SMG9: variants seen among roughly 807,000 people sequenced by gnomAD.
The protein encoded by SMG9 is nonsense-mediated mRNA decay factor SMG9.
A neutral mutation model predicts 64.0 loss-of-function variants in SMG9; 55 were observed. The observed-to-expected ratio is 0.86, with a 90% CI of 0.69 to 1.08. SMG9 has a LOEUF of 1.08. Among genes scored for constraint, SMG9 ranks in the 50% least tolerant of loss-of-function variants. The pLI is 0.00. For synonymous variants in SMG9, 244 were observed against 254.8 expected (o/e 0.96, Z 0.41); for missense variants, 554 against 681.3 (o/e 0.81, Z 2.08).
chr19:43,734,217 A>C, intron 10 of SMG9, 172 bp downstream of exon 10: 1 of 604,648 alleles, frequency 1.7e-6, no homozygotes, highest in Non-Finnish European at 2.9e-6. Flanking sequence ...GGGCAGTGGG[A>C]ACTTGGAAGG....
intron 7 of SMG9, among the ~76,000 whole-genome samples, chr19:43,739,102 G>A (rs1311790698): frequency 6.6e-6 from 1 of 152,232 alleles, no homozygotes. Context: ...AGACACGGTG[G>A]CAAATCACAT....
chr19:43,731,917 T>C (rs1240445410), intron 13 of SMG9, among the ~76,000 whole-genome samples: 1 of 152,232 alleles, frequency 6.6e-6, no homozygotes, highest in East Asian at 1.9e-4. Context: ...GACTAAGACC[T>C]CAAGTCTCCA....
In SMG9 at chr19:43,731,427, GT is replaced by G. The variant is rs1051620599; in HGVS notation, c.*168del. The G allele has an allele frequency of 2.0e-5, 29 of 1,434,784 alleles. No individual in the cohort carries two copies. In the African/African-American group the frequency reaches 2.3e-4, roughly 11 times the overall value. The allele number at this position is 1,434,784 out of a possible 1,614,324, so 88.9% of individuals were successfully genotyped here. On this transcript the variant is annotated 3_prime_UTR_variant, in exon 14 of 14. Transcript: ENST00000270066. ...ACCCCCGGAACAGCCCCAACTGAGG[GT>G]GGGGGGCCTGGCCCTGGACACCTCA...
chr19:43,742,038 C>T (rs1360877003), intron 6 of SMG9, among the ~76,000 whole-genome samples: 5 of 152,126 alleles, frequency 3.3e-5, no homozygotes, highest in Non-Finnish European at 5.9e-5. Flanking sequence ...ATCCCAGCTA[C>T]TCGGGAGGCT....
rs746723695 is a variant in SMG9, at chr19:43,750,670, G to A, written c.72C>T (p.Gly24=). Residue 24 remains glycine (G), a synonymous_variant, in exon 2 of 14, where the codon GGC becomes GGT. Transcript: ENST00000270066. Reference sequence around the variant, plus strand: ...CAGAGAGATTCTGGGGGCCACCAGAGCCAGGCTCCTTCCACCGTCGCCGCC... The same window carrying A: ...CAGAGAGATTCTGGGGGCCACCAGAACCAGGCTCCTTCCACCGTCGCCGCC... ...IERRRRWKEP[G]SGGPQNLSGP... 4 of 1,614,064 alleles carry A rather than the reference G, an allele frequency of 2.5e-6. No homozygotes were observed. Among genetic ancestry groups the A allele is most frequent in the Admixed American group, 1.7e-5 (1 of 60,020 alleles).
In SMG9 at chr19:43,744,875, C is replaced by T. The variant is rs1464530334; in HGVS notation, c.598G>A (p.Asp200Asn). Residue 200 changes from aspartate to asparagine, a missense_variant, in exon 6 of 14, where the codon GAT (aspartate) becomes AAT (asparagine). Asp to Asn is a conservative substitution (Grantham distance 23). Coordinates refer to ENST00000270066, the MANE Select transcript of SMG9 (RefSeq NM_019108.4). The stretch of plus-strand genomic sequence containing the variant: ...CCAACCACCAACACATCAGTCTGAT[C>T]CAACAGGTACTGTGGGAAAATACAT... ...WCDSAIEYLL[D>N]QTDVLVVGVL... 6.2e-7 allele frequency: 1 copy of T among 1,613,068 alleles called. No homozygotes were observed. Among genetic ancestry groups the T allele is most frequent in the South Asian group, 1.1e-5 (1 of 91,006 alleles).
At chr19:43,739,104 A>T (rs755908771) in intron 7 of SMG9, among the ~76,000 whole-genome samples, 2 of 152,222 alleles carry the variant, frequency 1.3e-5, no homozygotes, top group Non-Finnish European at 2.9e-5. Flanking sequence ...ACACGGTGGC[A>T]AATCACATGC....
rs761455853 is a variant in SMG9 at position 43,730,937 on chromosome 19, C to T, written c.*659G>A. 2 of 170,212 alleles carry T rather than the reference C, an allele frequency of 1.2e-5. No individual in the cohort carries two copies. Among genetic ancestry groups the T allele is most frequent in the Non-Finnish European group, 2.4e-5 (2 of 84,500 alleles). The allele number at this position is 170,212 out of a possible 1,614,324, so 10.5% of individuals were successfully genotyped here. ...TGTCTTTAAGTGAGAGCAGAAGACACGAGGGTAGTTGCTGTACTCAGCTGC... is the reference window on the plus strand; with the variant it reads ...TGTCTTTAAGTGAGAGCAGAAGACATGAGGGTAGTTGCTGTACTCAGCTGC... On this transcript the variant is annotated 3_prime_UTR_variant, in exon 14 of 14. Coordinates refer to ENST00000270066, the MANE Select transcript of SMG9 (RefSeq NM_019108.4).
intron 6 of SMG9, among the ~76,000 whole-genome samples, chr19:43,741,991 T>C (rs1318081290): frequency 1.3e-5 from 2 of 151,850 alleles, no homozygotes; most frequent in African/African-American, 2.4e-5. Context: ...CTATTAAAAA[T>C]ACAAAAATTA....
intron 6 of SMG9, 86 bp from the exon 7 acceptor site, chr19:43,740,304 T>C: frequency 3.0e-6 from 3 of 988,586 alleles, no homozygotes; most frequent in South Asian, 1.3e-5. Context: ...GAGCTGAGCA[T>C]GTGAGCCGTG....
chr19:43,740,277 C>A (rs1433803800), intron 6 of SMG9, 59 bp from the exon 7 acceptor site: 2 of 1,215,514 alleles, frequency 1.6e-6, no homozygotes, highest in Non-Finnish European at 2.4e-6. Flanking sequence ...TTGGATGCAT[C>A]CGAAGTGTGA....
At chr19:43,753,218 A>T (rs1171800012) in intron 1 of SMG9, among the ~76,000 whole-genome samples, 1 of 152,082 alleles carries the variant, frequency 6.6e-6, no homozygotes. Flanking sequence ...GCTTAGGGAA[A>T]ATGACTCATT....
At position 43,750,695 on chromosome 19, in the gene SMG9, C is replaced by A. The variant is rs762584929; in HGVS notation, c.47G>T (p.Arg16Leu). Residue 16 changes from arginine (R) to leucine (L), a missense_variant, in exon 2 of 14, where the codon CGG becomes CTG. Arg to Leu is a moderately radical substitution (Grantham distance 102). Coordinates refer to ENST00000270066, the MANE Select transcript of SMG9 (RefSeq NM_019108.4). ...GCCAGGCTCCTTCCACCGTCGCCGCCGCTCTATCCCATAGAGTCCAGGCTG... is the reference window on the plus strand; with the variant it reads ...GCCAGGCTCCTTCCACCGTCGCCGCAGCTCTATCCCATAGAGTCCAGGCTG... ...HSQPGLYGIE[R>L]RRRWKEPGSG... 14 of 1,613,972 alleles carry A rather than the reference C, an allele frequency of 8.7e-6. No homozygotes were observed. Among genetic ancestry groups the A allele is most frequent in the Non-Finnish European group, 1.2e-5 (14 of 1,179,940 alleles).
chr19:43,751,428 T>C (rs1010778039), intron 1 of SMG9, among the ~76,000 whole-genome samples: 2 of 152,380 alleles, frequency 1.3e-5, no homozygotes, highest in East Asian at 3.9e-4. Flanking sequence ...TGAGCCACCA[T>C]GCCCGGCCAA....
At chr19:43,732,690 A>T in intron 13 of SMG9, 168 bp downstream of exon 13, 1 of 753,522 alleles carries the variant, frequency 1.3e-6, no homozygotes, top group Non-Finnish European at 2.1e-6. Context: ...ATGTTGCCAC[A>T]TGGGTGAGAT....
At chr19:43,739,425 TTGG>T (rs761476842) in intron 7 of SMG9, among the ~76,000 whole-genome samples, 1 of 152,098 alleles carries the variant, frequency 6.6e-6, no homozygotes, top group Non-Finnish European at 1.5e-5. Flanking sequence ...ACACAATTCG[TTGG>T]TGGTTTCAGG....
intron 9 of SMG9, among the ~76,000 whole-genome samples, chr19:43,735,090 T>C (rs1421812274): frequency 1.3e-5 from 2 of 152,250 alleles, no homozygotes; most frequent in African/African-American, 2.4e-5. Context: ...TAGTTCTGCC[T>C]TATCCAGACT....
rs1968950845 is a variant in SMG9 at position 43,744,816 on chromosome 19, C to T, written c.657G>A (p.Met219Ile). Residue 219 changes from methionine to isoleucine, a missense_variant, in exon 6 of 14, where the codon ATG becomes ATA. By Grantham distance (10) the Met-to-Ile change is conservative. Transcript: ENST00000270066. ...TGTTGGCTGACAACAATGACATGACCATGGACTTGCCTGTCCCCTGGAGGC... is the reference window on the plus strand; with the variant it reads ...TGTTGGCTGACAACAATGACATGACTATGGACTTGCCTGTCCCCTGGAGGC... ...VLGLQGTGKSMVMSLLSANTP... is the reference protein window; with the variant it reads ...VLGLQGTGKSIVMSLLSANTP... 1 of 1,613,870 alleles carries T rather than the reference C, an allele frequency of 6.2e-7. No individual in the cohort carries two copies. Among genetic ancestry groups the T allele is most frequent in the African/African-American group, 1.3e-5 (1 of 74,916 alleles).
intron 1 of SMG9, 79 bp from the exon 2 acceptor site, chr19:43,750,826 C>A (rs114156324): frequency 3.1e-6 from 4 of 1,305,146 alleles, no homozygotes; most frequent in Non-Finnish European, 3.1e-6. Context: ...TATACGAAGT[C>A]CCTTCTTTCT....
Sources: gnomAD v4.1 joint callset for allele counts (sites outside exome capture counted in the v4.1 genomes callset) on GRCh38, gnomAD v4.1.1 for gene constraint, MANE v1.5 for transcripts, NCBI Gene and HGNC (gene_info 2026-07-23, HGNC 2026-07-21) for gene names.